ZNF423: variants seen among roughly 807,000 people sequenced by gnomAD.
ZNF423 encodes Ebf-associated zinc finger protein.
In ZNF423, 12 loss-of-function variants were observed where a neutral mutation model predicts 95.8. That is an observed-to-expected ratio of 0.13 (90% CI 0.08 to 0.20). The LOEUF is 0.20. ZNF423 is among the 10% of genes least tolerant of loss of function. The pLI, the probability that ZNF423 is intolerant of heterozygous loss-of-function variation, is 1.00. For synonymous variants in ZNF423, 749 were observed against 711.9 expected (o/e 1.05, Z -0.83); for missense variants, 1,316 against 1,737.1 (o/e 0.76, Z 4.31).
At chr16:49,697,339 A>T (rs1488642475) in intron 3 of ZNF423, among the ~76,000 whole-genome samples, 5 of 152,108 alleles carry the variant, frequency 3.3e-5, no homozygotes, top group African/African-American at 1.2e-4. Flanking sequence ...CAAGGGAACA[A>T]GCACATGATG....
intron 3 of ZNF423, among the ~76,000 whole-genome samples, chr16:49,704,526 C>T (rs569352067): frequency 6.6e-6 from 1 of 152,316 alleles, no homozygotes; most frequent in Admixed American, 6.5e-5. Flanking sequence ...TGTACCCTCA[C>T]CCCCAAGACT....
chr16:49,774,301 C>A (rs1341143026), intron 2 of ZNF423, among the ~76,000 whole-genome samples: 1 of 152,140 alleles, frequency 6.6e-6, no homozygotes, highest in Non-Finnish European at 1.5e-5. Flanking sequence ...ACCCAGGGCC[C>A]CCAGAGGACA....
chr16:49,512,836 A>T (rs4785315), intron 7 of ZNF423, among the ~76,000 whole-genome samples: 1 of 151,968 alleles, frequency 6.6e-6, no homozygotes, highest in African/African-American at 2.4e-5. Context: ...TGGCCCATAC[A>T]TGTAATCCCA....
chr16:49,526,197 A>C (rs1329704873), intron 5 of ZNF423, among the ~76,000 whole-genome samples: 1 of 152,326 alleles, frequency 6.6e-6, no homozygotes, highest in South Asian at 2.1e-4. Context: ...AAGCCCTGTC[A>C]GCCCCTGGAG....
chr16:49,722,098 G>A (rs1334964146), intron 3 of ZNF423, among the ~76,000 whole-genome samples: 2 of 152,162 alleles, frequency 1.3e-5, no homozygotes, highest in Non-Finnish European at 2.9e-5. Flanking sequence ...CCAAGACACA[G>A]CTGTCTGAGC....
intron 2 of ZNF423, among the ~76,000 whole-genome samples, chr16:49,776,413 G>T (rs535732021): frequency 6.6e-6 from 1 of 152,356 alleles, no homozygotes; most frequent in South Asian, 2.1e-4. Context: ...CCCAGAGGCC[G>T]CCCAGGCAGG....
At chr16:49,809,582 C>G (rs145381544) in intron 1 of ZNF423, among the ~76,000 whole-genome samples, 7 of 152,140 alleles carry the variant, frequency 4.6e-5, no homozygotes. Flanking sequence ...AAGGAGAATC[C>G]GAGAGAAAGG....
At chr16:49,622,232 A>T (rs1005195138) in intron 5 of ZNF423, among the ~76,000 whole-genome samples, 3 of 152,120 alleles carry the variant, frequency 2.0e-5, no homozygotes, top group African/African-American at 7.2e-5. Flanking sequence ...TTTTCAAGAG[A>T]AGCCTAGTAA....
intron 5 of ZNF423, among the ~76,000 whole-genome samples, chr16:49,532,878 A>T (rs1968906292): frequency 1.3e-5 from 2 of 152,194 alleles, no homozygotes; most frequent in African/African-American, 4.8e-5. Context: ...TGCTGTCGAC[A>T]CCGCAATAAA....
At chr16:49,696,957 C>T (rs2031998132) in intron 3 of ZNF423, among the ~76,000 whole-genome samples, 1 of 152,204 alleles carries the variant, frequency 6.6e-6, no homozygotes, top group African/African-American at 2.4e-5. Flanking sequence ...GCCTCCTTTC[C>T]AAACCCTCCT....
chr16:49,620,014 C>CAGTG (rs1250196888), intron 5 of ZNF423, among the ~76,000 whole-genome samples: 3 of 152,102 alleles, frequency 2.0e-5, no homozygotes, highest in Admixed American at 2.0e-4. Flanking sequence ...GCAGCTTGAA[C>CAGTG]AGTGGGCCCT....
intron 3 of ZNF423, among the ~76,000 whole-genome samples, chr16:49,642,149 A>G (rs893101870): frequency 6.6e-6 from 1 of 152,210 alleles, no homozygotes; most frequent in Non-Finnish European, 1.5e-5. Context: ...AAGTATGTCT[A>G]TTATCGCAAT....
At chr16:49,797,035 C>T (rs895834306) in intron 1 of ZNF423, among the ~76,000 whole-genome samples, 2 of 152,162 alleles carry the variant, frequency 1.3e-5, no homozygotes, top group Non-Finnish European at 1.5e-5. Flanking sequence ...ACATCCCTGT[C>T]CCAGCAGAGG....
chr16:49,514,515 G>T (rs1020713792), intron 7 of ZNF423, among the ~76,000 whole-genome samples: 1 of 152,202 alleles, frequency 6.6e-6, no homozygotes, highest in Non-Finnish European at 1.5e-5. Flanking sequence ...AGGGTCCCAA[G>T]GGAGCTGAGA....
At chr16:49,767,711 C>T (rs960845812) in intron 2 of ZNF423, among the ~76,000 whole-genome samples, 5 of 152,200 alleles carry the variant, frequency 3.3e-5, no homozygotes, top group Non-Finnish European at 5.9e-5. Context: ...ACCCCAAGAA[C>T]ATGCCCTCAA....
intron 3 of ZNF423, among the ~76,000 whole-genome samples, chr16:49,696,363 T>G (rs2031970619): frequency 6.6e-6 from 1 of 152,142 alleles, no homozygotes; most frequent in Non-Finnish European, 1.5e-5. Flanking sequence ...AGGCTCTGAT[T>G]TAAGTAATTG....
intron 5 of ZNF423, among the ~76,000 whole-genome samples, chr16:49,531,057 A>G (rs1212863460): frequency 6.6e-6 from 1 of 152,220 alleles, no homozygotes; most frequent in Non-Finnish European, 1.5e-5. Flanking sequence ...GCCGGTTGGC[A>G]GCAGGGCTGG....
rs202008891 is a variant in ZNF423, at chr16:49,613,730, GA to G, written c.3601+12439del. ...TAAAAACAAACAAAGCAATTCAATAGAAGAATGATAGCCTTTTCATCAAATG... is the reference window on the plus strand; with the variant it reads ...TAAAAACAAACAAAGCAATTCAATAGAGAATGATAGCCTTTTCATCAAATG... On this transcript the variant is annotated intron_variant, in intron 5 of 7. Coordinates refer to ENST00000563137, the MANE Select transcript of ZNF423 (RefSeq NM_001379286.1). 8.4e-3 allele frequency among the ~76,000 whole-genome samples: 1,283 copies of G among 152,210 alleles called. 11 individuals carry two copies. Among genetic ancestry groups the G allele is most frequent in the Non-Finnish European group, 0.013 (903 of 68,006 alleles).
chr16:49,546,418 G>T (rs1969442365), intron 5 of ZNF423, among the ~76,000 whole-genome samples: 1 of 152,150 alleles, frequency 6.6e-6, no homozygotes, highest in Non-Finnish European at 1.5e-5. Flanking sequence ...TGAGCTCAGA[G>T]ACCTCATTTG....
Sources: gnomAD v4.1 joint callset for allele counts (sites outside exome capture counted in the v4.1 genomes callset) on GRCh38, gnomAD v4.1.1 for gene constraint, MANE v1.5 for transcripts, NCBI Gene and HGNC (gene_info 2026-07-23, HGNC 2026-07-21) for gene names.